TTN: variants seen among roughly 807,000 people sequenced by gnomAD.
The protein encoded by TTN is titin.
In TTN, 1,525 loss-of-function variants were observed where a neutral mutation model predicts 3,223.0. That is an observed-to-expected ratio of 0.47 (90% CI 0.45 to 0.49). The LOEUF (loss-of-function observed/expected upper bound fraction) is 0.49. TTN is among the 20% of genes least tolerant of loss of function. TTN has a pLI of 0.00. For missense variants in TTN, 40,786 were observed against 43,424.0 expected (o/e 0.94, Z 5.40); for synonymous variants, 14,094 against 15,161.0 (o/e 0.93, Z 5.17).
In TTN at chr2:178,789,991, A is replaced by G. The variant is rs772036467; in HGVS notation, c.1925T>C (p.Ile642Thr). The change falls in exon 12 of 363, where the codon ATA becomes ACA. Residue 642 changes from isoleucine (I) to threonine (T), a missense_variant. By Grantham distance (89) the Ile-to-Thr change is moderately conservative (BLOSUM62 -1). Coordinates refer to ENST00000589042, the MANE Select transcript of TTN (RefSeq NM_001267550.2). The part of the protein sequence containing the change: ...GITTKREQVQ[I>T]TQEKMRKEAE... ...ATCTGTATTCACCTTCTCCTGAGTT[A>G]TTTGCACTTGTTCTCTTTTGGTAGT... 25 of 1,612,820 alleles carry G rather than the reference A, an allele frequency of 1.6e-5. No homozygotes were observed. In the Admixed American group the frequency reaches 4.0e-4, roughly 26 times the overall value.
chr2:178,553,843 T>G (rs1324994926), intron 333 of TTN, 36 bp from the exon 334 acceptor site: 9 of 1,563,376 alleles, frequency 5.8e-6, no homozygotes, highest in Admixed American at 1.8e-5. Flanking sequence ...AATTACACAA[T>G]CATGTACAAT....
At position 178,715,177 on chromosome 2, in the gene TTN, G is replaced by A. The variant is rs770195041; in HGVS notation, c.26009C>T (p.Pro8670Leu). The change falls in exon 90 of 363, where the codon CCC (proline) becomes CTC (leucine). Residue 8670 changes from proline to leucine, a missense_variant. Physicochemically the swap from Pro to Leu is moderately conservative, Grantham distance 98. Coordinates refer to ENST00000589042, the MANE Select transcript of TTN (RefSeq NM_001267550.2). ...VHLECELQGT[P>L]PFHVSWYKDK... ...TTTATACCAAGAAACGTGAAATGGG[G>A]GAGTGCCCTGAAGCTCACATTCAAG... The A allele has an allele frequency of 1.2e-5, 20 of 1,613,700 alleles. No homozygotes were observed. Among genetic ancestry groups the A allele is most frequent in the Non-Finnish European group, 1.6e-5 (19 of 1,179,714 alleles).
At chr2:178,747,921 A>AG (rs2084137997) in intron 47 of TTN, 6 of 1,612,996 alleles carry the variant, frequency 3.7e-6, no homozygotes, top group African/African-American at 1.3e-5. Flanking sequence ...TGACTCAGGG[A>AG]GAGCTGTCTA....
chr2:178,682,961 G>T, intron 134 of TTN, 58 bp from the exon 135 acceptor site: 1 of 1,404,160 alleles, frequency 7.1e-7, no homozygotes, highest in Non-Finnish European at 9.7e-7. Flanking sequence ...AAGGATGACT[G>T]ATAGTAACAA....
In TTN at chr2:178,563,454, C is replaced by G. The variant is rs937165329; in HGVS notation, c.82678G>C (p.Val27560Leu). Residue 27560 changes from valine to leucine, a missense_variant, in exon 326 of 363, where the codon GTT becomes CTT. Coordinates refer to ENST00000589042, the MANE Select transcript of TTN (RefSeq NM_001267550.2). The surrounding 1 kb of genome is among the most constrained non-coding windows in gnomAD (Gnocchi z 4.5). ...AAGGCATCACACGCACGGTAGAAAA[C>G]AGATGGCTCACTAGGTTCTCCCACA... ...AGVGEPSEPS[V>L]FYRACDALYP... 6.2e-7 allele frequency: 1 copy of G among 1,613,638 alleles called. No individual in the cohort carries two copies.
intron 47 of TTN, chr2:178,748,007 T>A: frequency 6.2e-7 from 1 of 1,613,014 alleles, no homozygotes; most frequent in Non-Finnish European, 8.5e-7. Context: ...TGTCCCACCA[T>A]CCTGCTTTGG....
chr2:178,731,442 T>C lies in TTN; in HGVS notation c.17324A>G (p.Asn5775Ser), dbSNP rs1347227022. The change falls in exon 59 of 363, where the codon AAT becomes AGT. Residue 5775 changes from asparagine to serine, a missense_variant. Physicochemically the swap from Asn to Ser is conservative, Grantham distance 46. Coordinates refer to ENST00000589042, the MANE Select transcript of TTN (RefSeq NM_001267550.2). ...ATTGTTCTCAAAGGTCATTCTTATA[T>C]TATCGTCTTCAGTGATTTCATCGCT... ...KDSDEITEDD[N>S]IRMTFENNVA... The C allele has an allele frequency of 2.5e-6, 4 of 1,613,658 alleles. No homozygotes were observed.
At chr2:178,783,314 A>G (rs1161048700) in intron 17 of TTN, among the ~76,000 whole-genome samples, 1 of 152,160 alleles carries the variant, frequency 6.6e-6, no homozygotes, top group Non-Finnish European at 1.5e-5. Flanking sequence ...CACCAACTGG[A>G]ATGAATCTAT....
Position 178,671,148 on chromosome 2 carries a change from G to C in TTN, c.35250C>G (p.Ile11750Met). The C allele has an allele frequency of 6.2e-7, 1 of 1,602,872 alleles. No individual in the cohort carries two copies. Among genetic ancestry groups the C allele is most frequent in the Non-Finnish European group, 8.5e-7 (1 of 1,175,414 alleles). The change falls in exon 156 of 363, where the codon ATC becomes ATG. Residue 11750 changes from isoleucine to methionine, a missense_variant. Physicochemically the swap from Ile to Met is conservative, Grantham distance 10. Transcript: ENST00000589042. ...TAGTGGGCGGTTTTTTTGGAGGGAT[G>C]ATTTTCTCAGATATCTCAGGCCCTT... ...PPKGPEISEK[I>M]IPPKKPPTKV...
chr2:178,669,922 T>A (rs954457367), intron 157 of TTN, among the ~76,000 whole-genome samples: 1 of 152,014 alleles, frequency 6.6e-6, no homozygotes, highest in African/African-American at 2.4e-5. Flanking sequence ...AGCACACTTT[T>A]TTTTTTCCAG....
At chr2:178,805,343 CAAAAAAAAAAAA>C (rs34870064) in intron 1 of TTN, among the ~76,000 whole-genome samples, 5 of 89,844 alleles carry the variant, frequency 5.6e-5, no homozygotes, top group Admixed American at 1.2e-4. Context: ...GACTCTGTCT[CAAAAAAAAAAAA>C]AAAAAAAAAT....
chr2:178,784,020 C>A, intron 16 of TTN, 50 bp downstream of exon 16: 1 of 1,610,608 alleles, frequency 6.2e-7, no homozygotes, highest in Non-Finnish European at 8.5e-7. Context: ...AACCACCTGG[C>A]CCTGCTCAAT....
rs530338718 is a variant in TTN at position 178,617,384 on chromosome 2, C to T, written c.47701G>A (p.Glu15901Lys). ...CAACGAATCCAATTATCTTTTCCTT[C>T]TTCGCATCGCTCAATTATATAGCCT... ...ILGYIIERCE[E>K]GKDNWIRCNM... The change falls in exon 254 of 363, where the codon GAA becomes AAA. Residue 15901 changes from glutamate to lysine, a missense_variant. Coordinates refer to ENST00000589042, the MANE Select transcript of TTN (RefSeq NM_001267550.2). 4 of 1,588,128 alleles carry T rather than the reference C, an allele frequency of 2.5e-6. No individual in the cohort carries two copies. Among genetic ancestry groups the T allele is most frequent in the Admixed American group, 3.7e-5 (2 of 54,468 alleles).
rs765019992 is a variant in TTN at position 178,593,760 on chromosome 2, T to C, written c.58540A>G (p.Asn19514Asp). The C allele has an allele frequency of 6.2e-7, 1 of 1,613,296 alleles. No homozygotes were observed. Among genetic ancestry groups the C allele is most frequent in the East Asian group, 2.2e-5 (1 of 44,674 alleles). Residue 19514 changes from asparagine to aspartate, a missense_variant, in exon 298 of 363, where the codon AAT becomes GAT. Transcript: ENST00000589042. ...PLDDGGSKIT[N>D]YIIEKKEVGK... ...ACTTCCTTCTTCTCAATAATATAAT[T>C]GGTGATTTTACTGCCTCCATCATCT...
Position 178,563,726 on chromosome 2 carries a change from G to C in TTN, c.82406C>G (p.Pro27469Arg). The change falls in exon 326 of 363, where the codon CCA (proline) becomes CGA (arginine). Residue 27469 changes from proline (P) to arginine (R), a missense_variant. Pro to Arg is a moderately radical substitution (Grantham distance 103, BLOSUM62 -2). Transcript: ENST00000589042. This position sits in a 1 kb window ranked among gnomAD's most constrained non-coding sequence, Gnocchi z 4.5. ...TTCAGGTGTTGAGGGAGGACCTGGTGGCTTATAAGGATTACAGGCCGTAAC... is the reference window on the plus strand; with the variant it reads ...TTCAGGTGTTGAGGGAGGACCTGGTCGCTTATAAGGATTACAGGCCGTAAC... ...GPVTACNPYKPPGPPSTPEVS... is the reference protein window; with the variant it reads ...GPVTACNPYKRPGPPSTPEVS... 1 of 1,613,718 alleles carries C rather than the reference G, an allele frequency of 6.2e-7. No individual in the cohort carries two copies. Among genetic ancestry groups the C allele is most frequent in the Non-Finnish European group, 8.5e-7 (1 of 1,179,760 alleles).
rs1028688301 is a variant in TTN at position 178,647,364 on chromosome 2, A to T, written c.40141+17T>A. On this transcript the variant is annotated intron_variant, in intron 214 of 362. Transcript: ENST00000589042. ...GACAATTGTCATCTTTCCAAGATTT[A>T]TGGAGAAGCCGTGTACCTTCAGCAG... 1 of 1,548,616 alleles carries T rather than the reference A, an allele frequency of 6.5e-7. No individual in the cohort carries two copies. The highest frequency in any genetic ancestry group is 2.4e-5 in the East Asian group (1 of 40,878).
At position 178,548,454 on chromosome 2, in the gene TTN, C is replaced by A. The variant is rs1232455758; in HGVS notation, c.93172G>T (p.Ala31058Ser). ...ATAACCTGCCAACTACGGCGACTTG[C>A]CTCTCGTTTCTCTACCACATAATGA... is the stretch of plus-strand genomic sequence containing the variant. ...IHHYVVEKRE[A>S]SRRSWQVISE... Residue 31058 changes from alanine to serine, a missense_variant, in exon 339 of 363, where the codon GCA (alanine) becomes TCA (serine). Physicochemically the swap from Ala to Ser is moderately conservative, Grantham distance 99. Transcript: ENST00000589042. This position sits in a 1 kb window ranked among gnomAD's most constrained non-coding sequence, Gnocchi z 4.3. 6.2e-7 allele frequency: 1 copy of A among 1,613,822 alleles called. No individual in the cohort carries two copies. Among genetic ancestry groups the A allele is most frequent in the African/African-American group, 1.3e-5 (1 of 75,032 alleles).
In TTN at chr2:178,588,747, T is replaced by C; in HGVS notation, c.62978A>G (p.Lys20993Arg). 1.2e-6 allele frequency: 2 copies of C among 1,613,300 alleles called. No individual in the cohort carries two copies. ...VWNPPEYDGG[K>R]SITGYFLEKK... is the part of the protein sequence containing the mutation. ...CTCCAAAAAGTATCCAGTTATAGAC[T>C]TTCCACCATCATATTCAGGTGGATT... The change falls in exon 304 of 363, where the codon AAG becomes AGG. Residue 20993 changes from lysine (K) to arginine (R), a missense_variant. Coordinates refer to ENST00000589042, the MANE Select transcript of TTN (RefSeq NM_001267550.2).
At chr2:178,623,327 T>C (rs1670126571) in intron 242 of TTN, among the ~76,000 whole-genome samples, 1 of 150,898 alleles carries the variant, frequency 6.6e-6, no homozygotes, top group Admixed American at 6.6e-5. Context: ...ATAACATCTA[T>C]TAGTGCAATA....
Sources: gnomAD v4.1 joint callset for allele counts (sites outside exome capture counted in the v4.1 genomes callset) on GRCh38, gnomAD v4.1.1 for gene constraint, Gnocchi (gnomAD v3.1) non-coding constraint, MANE v1.5 for transcripts, NCBI Gene and HGNC (gene_info 2026-07-23, HGNC 2026-07-21) for gene names.